OCIAD1: variants seen among roughly 807,000 people sequenced by gnomAD.
The protein encoded by OCIAD1 is OCIA domain-containing protein 1.
Under a neutral mutation model 38.9 loss-of-function variants are expected in OCIAD1, and 29 were observed. The ratio of observed to expected loss-of-function variants is 0.74; its 90% CI spans 0.55 to 1.02. OCIAD1 has a LOEUF of 1.02. OCIAD1 is among the 50% of genes least tolerant of loss of function. The pLI is 0.00. For synonymous variants in OCIAD1, 110 were observed against 92.0 expected (o/e 1.20, Z -1.12); for missense variants, 288 against 289.6 (o/e 0.99, Z 0.04).
intron 3 of OCIAD1, among the ~76,000 whole-genome samples, chr4:48,841,159 C>T (rs1560425569): frequency 6.6e-6 from 1 of 152,148 alleles, no homozygotes; most frequent in Admixed American, 6.5e-5. Context: ...TTTGGATTGT[C>T]TTTCGGTGCT....
At chr4:48,805,611 T>G (rs11729557) in intron 1 of OCIAD1, among the ~76,000 whole-genome samples, 149,245 of 151,962 alleles carry the variant, frequency 0.98, 73,342 homozygotes, top group East Asian at 1. Context: ...TTGAGCCTGG[T>G]AGTTCAAGAC....
intron 1 of OCIAD1, among the ~76,000 whole-genome samples, chr4:48,807,521 A>G (rs1304850115): frequency 6.6e-6 from 1 of 152,204 alleles, no homozygotes; most frequent in Non-Finnish European, 1.5e-5. Flanking sequence ...ATTGCTCTAA[A>G]GTGTTTAGAA....
chr4:48,859,132 T>C (rs578101587), intron 8 of OCIAD1, among the ~76,000 whole-genome samples: 3 of 152,206 alleles, frequency 2.0e-5, no homozygotes, highest in Non-Finnish European at 4.4e-5. Flanking sequence ...TTTTTAGAGC[T>C]AATTTTATTT....
intron 3 of OCIAD1, among the ~76,000 whole-genome samples, chr4:48,834,360 C>T (rs767437690): frequency 5.3e-5 from 8 of 152,182 alleles, no homozygotes; most frequent in African/African-American, 1.4e-4. Context: ...CTAGTAGAAG[C>T]GGGATTTCAC....
chr4:48,816,281 TGGAGGC>T (rs1379772697), intron 1 of OCIAD1, among the ~76,000 whole-genome samples: 10 of 152,224 alleles, frequency 6.6e-5, no homozygotes, highest in African/African-American at 2.4e-4. Context: ...TAGAATAAAC[TGGAGGC>T]GATCAGGACA....
At chr4:48,855,570 C>G (rs1292667111) in intron 7 of OCIAD1, among the ~76,000 whole-genome samples, 2 of 152,106 alleles carry the variant, frequency 1.3e-5, no homozygotes, top group African/African-American at 4.8e-5. Flanking sequence ...GTAATCCCAG[C>G]ACTTTGGGAG....
intron 4 of OCIAD1, among the ~76,000 whole-genome samples, chr4:48,846,253 A>C (rs917825772): frequency 2.6e-5 from 4 of 152,212 alleles, no homozygotes; most frequent in Admixed American, 2.6e-4. Context: ...AGTTCTTATA[A>C]ATGAAGGAAC....
intron 3 of OCIAD1, among the ~76,000 whole-genome samples, chr4:48,837,493 A>T (rs1347558241): frequency 6.7e-6 from 1 of 150,142 alleles, no homozygotes; most frequent in South Asian, 2.1e-4. Context: ...GAGTTTCACC[A>T]TGTTGGCCAG....
In OCIAD1 at chr4:48,860,824, T is replaced by A. The variant is rs1780544201; in HGVS notation, c.*62T>A. On this transcript the variant is annotated 3_prime_UTR_variant, in exon 9 of 9. Coordinates refer to ENST00000264312, the MANE Select transcript of OCIAD1 (RefSeq NM_017830.4). ...CCAGCTTCATCTAGGTGGTCATGAT[T>A]ACCTGCATGCTTTGAGCTCAGCAGC... 5.1e-6 allele frequency: 6 copies of A among 1,169,462 alleles called. No individual in the cohort carries two copies. Among genetic ancestry groups the A allele is most frequent in the Non-Finnish European group, 7.7e-6 (6 of 779,298 alleles). The allele number at this position is 1,169,462 out of a possible 1,614,324, so 72.4% of individuals were successfully genotyped here. A position where few individuals can be genotyped will look rare whatever the true frequency, so the allele number is the denominator to read the frequency against.
chr4:48,834,968 C>T (rs1201352039), intron 3 of OCIAD1, among the ~76,000 whole-genome samples: 3 of 152,206 alleles, frequency 2.0e-5, no homozygotes, highest in African/African-American at 7.2e-5. Context: ...GAGTCTCACT[C>T]TCTTCCCCAG....
rs372331561 is a variant in OCIAD1, at chr4:48,850,032, C to G, written c.327C>G (p.Pro109=). The change falls in exon 6 of 9, where the codon CCC becomes CCG. Residue 109 remains proline (P), a synonymous_variant. Coordinates refer to ENST00000264312, the MANE Select transcript of OCIAD1 (RefSeq NM_017830.4). ...QEKFKKLENS[P]LGEALRSGQA... ...AATTCAAGAAACTTGAAAATTCCCC[C>G]CTTGGAGAAGCTTTACGATCAGGAC... 1.9e-6 allele frequency: 3 copies of G among 1,613,386 alleles called. No homozygotes were observed. Among genetic ancestry groups the G allele is most frequent in the Admixed American group, 3.3e-5 (2 of 59,942 alleles).
In OCIAD1 at chr4:48,832,692, T is replaced by C. The variant is rs1194125717; in HGVS notation, c.58+10T>C. On this transcript the variant is annotated intron_variant, in intron 2 of 8. Coordinates refer to ENST00000264312, the MANE Select transcript of OCIAD1 (RefSeq NM_017830.4). ...CCAAGACCAATTCCCCGTAACTATC[T>C]ATTAAGTATTTATAATTAGAAGCAC... 3.1e-6 allele frequency: 5 copies of C among 1,596,938 alleles called. No homozygotes were observed. Among genetic ancestry groups the C allele is most frequent in the Non-Finnish European group, 4.3e-6 (5 of 1,164,516 alleles).
At position 48,833,407 on chromosome 4, in the gene OCIAD1, G is replaced by A; in HGVS notation, c.65G>A (p.Gly22Glu). 1.9e-6 allele frequency: 3 copies of A among 1,583,746 alleles called. No individual in the cohort carries two copies. The South Asian group carries it at 3.3e-5, about 18-fold the overall frequency. Reference sequence around the variant, plus strand: ...GATTTTCCCTGGTAAAAAGACATAGGGCCTGATTACATTCCAACAGAGGAA... The same window carrying A: ...GATTTTCCCTGGTAAAAAGACATAGAGCCTGATTACATTCCAACAGAGGAA... Reference protein sequence around the residue: ...AEVPRPIPHIGPDYIPTEEER... With the variant: ...AEVPRPIPHIEPDYIPTEEER... Residue 22 changes from glycine to glutamate, a missense_variant, in exon 3 of 9, where the codon GGG becomes GAG. Gly to Glu is a moderately conservative substitution (Grantham distance 98, BLOSUM62 -2). Transcript: ENST00000264312.
intron 7 of OCIAD1, chr4:48,856,023 G>A (rs1780008038): frequency 6.6e-6 from 1 of 151,864 alleles, no homozygotes; most frequent in African/African-American, 2.4e-5. Context: ...TTTTGGTGTG[G>A]TATGTGGTAG....
chr4:48,854,156 A>G (rs1779791122), intron 7 of OCIAD1, among the ~76,000 whole-genome samples: 1 of 152,162 alleles, frequency 6.6e-6, no homozygotes, highest in Non-Finnish European at 1.5e-5. Flanking sequence ...CATGGGGGAT[A>G]AGTTCGAAGA....
chr4:48,854,123 T>C (rs999548936), intron 7 of OCIAD1, among the ~76,000 whole-genome samples: 2 of 152,190 alleles, frequency 1.3e-5, no homozygotes, highest in African/African-American at 4.8e-5. Flanking sequence ...TCCATTCTTC[T>C]TGTACAGTAG....
chr4:48,808,696 G>A (rs1777056182), intron 1 of OCIAD1, among the ~76,000 whole-genome samples: 1 of 152,096 alleles, frequency 6.6e-6, no homozygotes, highest in African/African-American at 2.4e-5. Context: ...CATTGATCTT[G>A]GACTTCCCAG....
At chr4:48,843,610 G>C (rs1778721776) in intron 4 of OCIAD1, among the ~76,000 whole-genome samples, 1 of 152,058 alleles carries the variant, frequency 6.6e-6, no homozygotes, top group Non-Finnish European at 1.5e-5. Context: ...ACAGTACCAT[G>C]ACAAAAATCT....
chr4:48,852,964 C>T (rs918018915), intron 7 of OCIAD1, among the ~76,000 whole-genome samples: 1 of 149,216 alleles, frequency 6.7e-6, no homozygotes, highest in African/African-American at 2.5e-5. Context: ...TCACTGCAAC[C>T]TCCGCCCCCC....
Sources: allele counts gnomAD v4.1 joint callset (sites outside exome capture counted in the v4.1 genomes callset), GRCh38; gene constraint gnomAD v4.1.1; transcripts MANE v1.5; gene names NCBI Gene and HGNC (gene_info 2026-07-23, HGNC 2026-07-21).